The following DCP1B variants were observed in gnomAD, a reference collection of about 807,000 sequenced individuals.
DCP1B encodes mRNA-decapping enzyme 1B.
DCP1B carries 47 observed loss-of-function variants against 60.5 expected under a neutral mutation model. The observed-to-expected ratio is 0.78, with a 90% CI of 0.61 to 0.99. DCP1B has a LOEUF of 0.99. Among genes scored for constraint, DCP1B ranks in the 50% least tolerant of loss-of-function variants. DCP1B has a pLI of 0.00. For missense variants in DCP1B, 725 were observed against 756.8 expected, an observed-to-expected ratio of 0.96 and a Z score of 0.49; for synonymous variants, 267 against 280.3, an observed-to-expected ratio of 0.95 and a Z score of 0.47.
intron 6 of DCP1B, among the ~76,000 whole-genome samples, chr12:1,954,155 C>T (rs1055794771): frequency 6.6e-6 from 1 of 151,182 alleles, no homozygotes. Context: ...GCACTCCAGC[C>T]CGGGTAACAG....
At chr12:1,993,100 C>A (rs1401840237) in intron 3 of DCP1B, 164 bp downstream of exon 3, 1 of 889,222 alleles carries the variant, frequency 1.1e-6, no homozygotes, top group Non-Finnish European at 1.9e-6. Flanking sequence ...GAATCTATTC[C>A]ATCATTAGGG....
chr12:1,962,700 T>C lies in DCP1B; in HGVS notation c.522+2858A>G, dbSNP rs1054164231. ...AAATGAATACAGAATAGTTACTGTC[T>C]GAAGCTGAGATTAAGGCATCTCTGT... is the stretch of plus-strand genomic sequence containing the variant. On this transcript the variant is annotated intron_variant, in intron 5 of 8. Coordinates refer to ENST00000280665, the MANE Select transcript of DCP1B (RefSeq NM_152640.5). The surrounding 1 kb of genome is among the most constrained non-coding windows in gnomAD (Gnocchi z 4.4). Among the ~76,000 whole-genome samples, 6 of 152,208 alleles carry C rather than the reference T, an allele frequency of 3.9e-5. No individual in the cohort carries two copies. The highest frequency in any genetic ancestry group is 1.4e-4 in the African/African-American group (6 of 41,454).
intron 3 of DCP1B, among the ~76,000 whole-genome samples, chr12:1,984,804 T>G (rs968899650): frequency 1.4e-4 from 18 of 130,796 alleles, no homozygotes; most frequent in Non-Finnish European, 2.3e-4. Context: ...AAAAAAAAGG[T>G]TCTTTTTATG....
downstream of DCP1B, among the ~76,000 whole-genome samples, chr12:1,941,932 CACA>C (rs2030289763): frequency 6.6e-6 from 1 of 152,174 alleles, no homozygotes. Context: ...CAAGTTTACA[CACA>C]ACAATATTAA....
chr12:2,001,559 A>C (rs1840549949), intron 1 of DCP1B, among the ~76,000 whole-genome samples: 1 of 152,186 alleles, frequency 6.6e-6, no homozygotes, highest in Non-Finnish European at 1.5e-5. Context: ...TAACTTGATT[A>C]TTCTCAGTTA....
At chr12:2,000,865 C>G (rs548521724) in intron 1 of DCP1B, among the ~76,000 whole-genome samples, 1 of 152,016 alleles carries the variant, frequency 6.6e-6, no homozygotes, top group Non-Finnish European at 1.5e-5. Flanking sequence ...GGTGAAACCC[C>G]GTCTCTACTA....
chr12:1,989,487 G>T (rs2038790623), intron 3 of DCP1B, among the ~76,000 whole-genome samples: 1 of 152,258 alleles, frequency 6.6e-6, no homozygotes, highest in Non-Finnish European at 1.5e-5. Context: ...GGCCAAGGTG[G>T]GTGATCACTT....
downstream of DCP1B, among the ~76,000 whole-genome samples, chr12:1,942,471 A>C (rs920219418): frequency 3.9e-5 from 6 of 152,346 alleles, no homozygotes; most frequent in African/African-American, 1.4e-4. Context: ...TCTTCTCTCC[A>C]AATCAACAGA....
At chr12:1,952,158 T>C (rs1002757931) in intron 7 of DCP1B, among the ~76,000 whole-genome samples, 1 of 152,192 alleles carries the variant, frequency 6.6e-6, no homozygotes, top group Non-Finnish European at 1.5e-5. Flanking sequence ...ATTATAGTAA[T>C]ACCTTTTTCT....
chr12:1,975,003 A>T (rs1228688767), intron 3 of DCP1B, among the ~76,000 whole-genome samples: 2 of 152,170 alleles, frequency 1.3e-5, no homozygotes, highest in African/African-American at 4.8e-5. Context: ...TGATAGGAAT[A>T]GCTCTGCTGA....
In DCP1B at chr12:1,976,580, G is replaced by T. The variant is rs74059682; in HGVS notation, c.320-8670C>A. 1.6e-3 allele frequency among the ~76,000 whole-genome samples: 241 copies of T among 152,270 alleles called. 1 individual carries two copies. The highest frequency in any genetic ancestry group is 5.6e-3 in the African/African-American group (234 of 41,550). On this transcript the variant is annotated intron_variant, in intron 3 of 8. Transcript: ENST00000280665. The stretch of plus-strand genomic sequence containing the variant: ...CTTTAAGGTCTTGTCTTCCTGGGCA[G>T]ATCCCGAAGAGAAATGTATTCTGTT...
chr12:1,963,799 C>T (rs1384948386), intron 5 of DCP1B, among the ~76,000 whole-genome samples: 3 of 152,214 alleles, frequency 2.0e-5, no homozygotes, highest in Non-Finnish European at 4.4e-5. Context: ...ATGCTTACTG[C>T]TACTGAGTTA....
At chr12:1,994,093 C>T (rs2040210045) in intron 2 of DCP1B, among the ~76,000 whole-genome samples, 1 of 152,164 alleles carries the variant, frequency 6.6e-6, no homozygotes, top group Non-Finnish European at 1.5e-5. Context: ...ACCTTGAATG[C>T]CTGCTCTGCC....
intron 8 of DCP1B, among the ~76,000 whole-genome samples, chr12:1,947,174 G>A (rs867503040): frequency 3.9e-5 from 6 of 152,194 alleles, no homozygotes; most frequent in Admixed American, 1.3e-4. Flanking sequence ...GGGCTCTTTT[G>A]CCTGGCTAAG....
Position 2,004,455 on chromosome 12 carries a change from C to G in DCP1B, c.-24G>C. ...ATCTTCCCTCCCTCCCAGACATAGG[C>G]ACGGGGCTCTTGGAAGCCACTCTCA... On this transcript the variant is annotated 5_prime_UTR_variant, in exon 1 of 9. Transcript: ENST00000280665. The G allele has an allele frequency of 1.9e-6, 3 of 1,593,344 alleles. No individual in the cohort carries two copies. Among genetic ancestry groups the G allele is most frequent in the Non-Finnish European group, 2.6e-6 (3 of 1,170,206 alleles).
chr12:2,001,359 A>T (rs1435059109), intron 1 of DCP1B, among the ~76,000 whole-genome samples: 1 of 152,188 alleles, frequency 6.6e-6, no homozygotes, highest in Non-Finnish European at 1.5e-5. Flanking sequence ...TTTAGCTTAA[A>T]TTTTAAAAGT....
chr12:1,974,793 T>A (rs1344647317), intron 3 of DCP1B, among the ~76,000 whole-genome samples: 1 of 152,194 alleles, frequency 6.6e-6, no homozygotes, highest in African/African-American at 2.4e-5. Flanking sequence ...CTGACAACTA[T>A]CACCATAAGT....
intron 3 of DCP1B, chr12:1,992,131 G>A: frequency 3.8e-6 from 1 of 261,816 alleles, no homozygotes; most frequent in Non-Finnish European, 8.2e-6. Context: ...GTACCTTTCG[G>A]CAAAGAAACA....
At chr12:2,002,919 A>C (rs1593456288) in intron 1 of DCP1B, among the ~76,000 whole-genome samples, 1 of 151,998 alleles carries the variant, frequency 6.6e-6, no homozygotes, top group East Asian at 1.9e-4. Flanking sequence ...AAACAAAAAC[A>C]AACAAAAAAA....
Sources: gnomAD v4.1 joint callset for allele counts (sites outside exome capture counted in the v4.1 genomes callset) on GRCh38, gnomAD v4.1.1 for gene constraint, Gnocchi (gnomAD v3.1) non-coding constraint, MANE v1.5 for transcripts, NCBI Gene and HGNC (gene_info 2026-07-23, HGNC 2026-07-21) for gene names.